Variants in PNPLA7 observed in about 807,000 individuals in gnomAD.
PNPLA7 encodes the protein patatin like domain 7, lysophospholipase.
Under a neutral mutation model 161.7 loss-of-function variants are expected in PNPLA7, and 153 were observed. The observed-to-expected ratio is 0.95, with a 90% CI of 0.83 to 1.08. The LOEUF (loss-of-function observed/expected upper bound fraction) is 1.08, where lower values mean the gene tolerates loss of function less well. PNPLA7 is among the 50% of genes least tolerant of loss of function. The pLI, the probability that PNPLA7 is intolerant of heterozygous loss-of-function variation, is 0.00. For missense variants in PNPLA7, 1,739 were observed against 1,856.6 expected, an observed-to-expected ratio of 0.94 and a Z score of 1.16; for synonymous variants, 809 against 782.1, an observed-to-expected ratio of 1.03 and a Z score of -0.57.
chr9:137,543,685 G>A lies in PNPLA7; in HGVS notation c.365+39C>T, dbSNP rs767420875. 4.3e-6 allele frequency: 7 copies of A among 1,611,314 alleles called. No homozygotes were observed. The South Asian group carries it at 6.6e-5, about 15-fold the overall frequency. On this transcript the variant is annotated intron_variant, in intron 5 of 34. Transcript: ENST00000406427. The surrounding 1 kb of genome is among the most constrained non-coding windows in gnomAD (Gnocchi z 6.9). ...GTTGGGGAGGCCAGCACCATGGGGG[G>A]CACCTGGGGCAGGATGTGGTCTGAA...
At chr9:137,478,714 G>A (rs1832057223) in intron 24 of PNPLA7, 1 of 242,528 alleles carries the variant, frequency 4.1e-6, no homozygotes, top group Non-Finnish European at 8.0e-6. Context: ...GCCCTGACAT[G>A]AGGCCCATCC....
chr9:137,491,962 G>T (rs1347573423), intron 20 of PNPLA7: 14 of 985,340 alleles, frequency 1.4e-5, no homozygotes, highest in Non-Finnish European at 1.4e-5. Flanking sequence ...ACACGCGGGA[G>T]CAGCCAGGCT....
rs1832706192 is a variant in PNPLA7, at chr9:137,490,362, G to A, written c.2197+2651C>T. On this transcript the variant is annotated intron_variant, in intron 20 of 34. Transcript: ENST00000406427. This position sits in a 1 kb window ranked among gnomAD's most constrained non-coding sequence, Gnocchi z 4.1. ...TCCTCCTGTCTCGGCCTCCCAAAGT[G>A]CTGGGATGAGGTGTAAGACACTGTG... Among the ~76,000 whole-genome samples the A allele has an allele frequency of 6.6e-6, 1 of 152,168 alleles. No homozygotes were observed. The highest frequency in any genetic ancestry group is 2.1e-4 in the South Asian group (1 of 4,828).
intron 20 of PNPLA7, chr9:137,492,205 C>G: frequency 1.0e-6 from 1 of 985,232 alleles, no homozygotes; most frequent in Non-Finnish European, 1.2e-6. Context: ...GCAGGGAAAA[C>G]TAAATTCCCC....
At chr9:137,502,755 C>T (rs1339376776) in intron 14 of PNPLA7, among the ~76,000 whole-genome samples, 1 of 112,718 alleles carries the variant, frequency 8.9e-6, no homozygotes, top group South Asian at 3.0e-4. Context: ...ATGTGGGAGC[C>T]GGCCACGGTG....
At chr9:137,508,729 G>T (rs1033394121) in intron 12 of PNPLA7, 19 of 151,914 alleles carry the variant, frequency 1.3e-4, no homozygotes, top group Admixed American at 5.9e-4. Context: ...AACCACAAAA[G>T]AAAAATATTG....
At chr9:137,519,649 AGACCTGGGGGGCATGTGAGGT>A (rs145779773) in intron 11 of PNPLA7, among the ~76,000 whole-genome samples, 5,148 of 149,430 alleles carry the variant, frequency 0.034, 258 homozygotes, top group African/African-American at 0.11. Context: ...CCATCTGATG[AGACCTGGGGGGCATGTGAGGT>A]GACCTGGGGC....
intron 23 of PNPLA7, chr9:137,479,463 G>A (rs897310393): frequency 8.1e-7 from 1 of 1,236,792 alleles, no homozygotes; most frequent in Non-Finnish European, 1.0e-6. Flanking sequence ...ACGGCAGGAG[G>A]GGGACGCCTC....
At position 137,548,679 on chromosome 9, in the gene PNPLA7, C is replaced by T. The variant is rs572281034; in HGVS notation, c.31-1020G>A. 9.9e-5 allele frequency among the ~76,000 whole-genome samples: 15 copies of T among 152,262 alleles called. No homozygotes were observed. In the South Asian group the frequency reaches 2.9e-3, roughly 29 times the overall value. On this transcript the variant is annotated intron_variant, in intron 1 of 34. Transcript: ENST00000406427. Reference sequence around the variant, plus strand: ...AGGAGAATGGCGTGAACCCGGGAGGCAGAGCTTGCAGTGAGCTGAGATTGT... The same window carrying T: ...AGGAGAATGGCGTGAACCCGGGAGGTAGAGCTTGCAGTGAGCTGAGATTGT...
At chr9:137,504,791 G>A (rs1053885979) in intron 14 of PNPLA7, among the ~76,000 whole-genome samples, 1 of 152,302 alleles carries the variant, frequency 6.6e-6, no homozygotes, top group African/African-American at 2.4e-5. Flanking sequence ...GGAGGGACTA[G>A]GAGTACAGCT....
chr9:137,522,657 C>A (rs1835087071), intron 9 of PNPLA7, 72 bp downstream of exon 9: 1 of 1,563,424 alleles, frequency 6.4e-7, no homozygotes, highest in Admixed American at 1.7e-5. Flanking sequence ...CCACTCAAAT[C>A]CCAAACCAGT....
rs576141392 is a variant in PNPLA7 at position 137,525,601 on chromosome 9, CTT to C, written c.748-2746_748-2745del. Among the ~76,000 whole-genome samples, 8 of 152,240 alleles carry C rather than the reference CTT, an allele frequency of 5.3e-5. No homozygotes were observed. The South Asian group carries it at 1.2e-3, about 24-fold the overall frequency. On this transcript the variant is annotated intron_variant, in intron 8 of 34. Coordinates refer to ENST00000406427, the MANE Select transcript of PNPLA7 (RefSeq NM_001098537.3). Reference sequence around the variant, plus strand: ...ATGTATTTCTCGGAGAGATCAAACACTTTAATACTTTCACTAATTCTGCTACT... The same window carrying C: ...ATGTATTTCTCGGAGAGATCAAACACTAATACTTTCACTAATTCTGCTACT...
intron 14 of PNPLA7, among the ~76,000 whole-genome samples, chr9:137,504,003 AAAG>A (rs1385844551): frequency 7.4e-4 from 22 of 29,736 alleles, no homozygotes; most frequent in Admixed American, 2.1e-3. Context: ...CAAGAAGAAG[AAAG>A]AAGAAGGAAG....
intron 25 of PNPLA7, among the ~76,000 whole-genome samples, chr9:137,472,238 C>T (rs549060848): frequency 9.9e-5 from 15 of 152,102 alleles, no homozygotes; most frequent in Admixed American, 2.6e-4. Context: ...AAGGTGTACT[C>T]ATCCATTTTC....
intron 12 of PNPLA7, among the ~76,000 whole-genome samples, 187 bp downstream of exon 12, chr9:137,515,192 G>A (rs1215095983): frequency 6.6e-6 from 1 of 152,126 alleles, no homozygotes; most frequent in African/African-American, 2.4e-5. Flanking sequence ...TGTTCTGGGC[G>A]GCAGGACGGC....
intron 8 of PNPLA7, among the ~76,000 whole-genome samples, chr9:137,528,338 T>C (rs1027045278): frequency 1.3e-5 from 2 of 152,194 alleles, no homozygotes; most frequent in African/African-American, 4.8e-5. Context: ...GGGTCACTGA[T>C]CTGAGACTTG....
chr9:137,505,859 G>T, intron 13 of PNPLA7, 99 bp from the exon 14 acceptor site: 6 of 1,543,772 alleles, frequency 3.9e-6, no homozygotes, highest in Non-Finnish European at 5.3e-6. Flanking sequence ...CGGAAAGGCC[G>T]GCTGAGCCTC....
In PNPLA7 at chr9:137,549,787, GA is replaced by G. The variant is rs374549311; in HGVS notation, c.30+380del. 1.7e-3 allele frequency among the ~76,000 whole-genome samples: 244 copies of G among 143,682 alleles called. 1 individual carries two copies. The highest frequency in any genetic ancestry group is 3.7e-3 in the Admixed American group (54 of 14,404). 94.3% of individuals were successfully genotyped at this position (143,682 alleles called of 152,430 possible). On this transcript the variant is annotated intron_variant, in intron 1 of 34. Transcript: ENST00000406427. ...GCGACAGAGCGAGACTCCGTCTTGG[GA>G]AAAAAAAAAACACAGAAAAAGGTTC...
Position 137,547,174 on chromosome 9 carries a change from A to C in PNPLA7, c.193+135T>G. The stretch of plus-strand genomic sequence containing the variant: ...TCCTGGAACCGACGGGCTCAGCCTG[A>C]GCCCAGACGGGCCATCAGATTCTAG... On this transcript the variant is annotated intron_variant, in intron 3 of 34. Coordinates refer to ENST00000406427, the MANE Select transcript of PNPLA7 (RefSeq NM_001098537.3). This position sits in a 1 kb window ranked among gnomAD's most constrained non-coding sequence, Gnocchi z 4.6. 1.1e-6 allele frequency: 1 copy of C among 926,094 alleles called. No individual in the cohort carries two copies. Among genetic ancestry groups the C allele is most frequent in the Non-Finnish European group, 1.7e-6 (1 of 584,370 alleles). The allele number at this position is 926,094 out of a possible 1,614,324, so 57.4% of individuals were successfully genotyped here.
Sources: allele counts gnomAD v4.1 joint callset (sites outside exome capture counted in the v4.1 genomes callset), GRCh38; gene constraint gnomAD v4.1.1; non-coding constraint Gnocchi (gnomAD v3.1); transcripts MANE v1.5; gene names NCBI Gene and HGNC (gene_info 2026-07-23, HGNC 2026-07-21).